The following AKAP10 variants were observed in gnomAD, a reference collection of about 807,000 sequenced individuals.
AKAP10 encodes the protein A-kinase anchor protein 10, mitochondrial.
A neutral mutation model predicts 80.8 loss-of-function variants in AKAP10; 24 were observed. The observed-to-expected ratio is 0.30, with a 90% confidence interval of 0.22 to 0.42. The LOEUF (loss-of-function observed/expected upper bound fraction) is 0.42, where lower values mean the gene tolerates loss of function less well. Among genes scored for constraint, AKAP10 ranks in the 10% least tolerant of loss-of-function variants. The pLI is 1.00. For synonymous variants in AKAP10, 291 were observed against 277.7 expected (o/e 1.05, Z -0.48); for missense variants, 661 against 794.9 (o/e 0.83, Z 2.03).
chr17:19,914,834 A>G (rs1597489036), intron 12 of AKAP10, among the ~76,000 whole-genome samples: 1 of 152,234 alleles, frequency 6.6e-6, no homozygotes, highest in Non-Finnish European at 1.5e-5. Context: ...AGAGGCACTC[A>G]AAGTGAAGAA....
In AKAP10 at chr17:19,962,754, T is replaced by C. The variant is rs1195468719; in HGVS notation, c.319+86A>G. On this transcript the variant is annotated intron_variant, in intron 3 of 14. Transcript: ENST00000225737. ...TTTTTTCCAAAGCACTTTCCAATTA[T>C]ATAGTTCTGTATCCTATGACAGAAG... The C allele has an allele frequency of 5.1e-6, 7 of 1,373,390 alleles. 1 individual carries two copies. Among genetic ancestry groups the C allele is most frequent in the Non-Finnish European group, 7.0e-6 (7 of 1,006,662 alleles). 85.1% of individuals were successfully genotyped at this position (1,373,390 alleles called of 1,614,324 possible).
At chr17:19,973,399 G>C (rs2043524347) in intron 1 of AKAP10, among the ~76,000 whole-genome samples, 1 of 152,202 alleles carries the variant, frequency 6.6e-6, no homozygotes, top group Non-Finnish European at 1.5e-5. Context: ...AAATATTTAT[G>C]ATTTGGCCCT....
intron 5 of AKAP10, among the ~76,000 whole-genome samples, chr17:19,946,075 ACT>A (rs1411990687): frequency 2.1e-5 from 3 of 140,342 alleles, no homozygotes; most frequent in Admixed American, 7.3e-5. Flanking sequence ...TGTCCTTACT[ACT>A]CTGAGATACT....
chr17:19,950,226 A>AAAAT (rs1176658582), intron 4 of AKAP10, among the ~76,000 whole-genome samples: 9 of 152,202 alleles, frequency 5.9e-5, no homozygotes. Flanking sequence ...ATCACTCAAA[A>AAAAT]AAATAAATAA....
intron 3 of AKAP10, among the ~76,000 whole-genome samples, chr17:19,960,251 G>A (rs2052276266): frequency 1.3e-5 from 2 of 152,016 alleles, no homozygotes; most frequent in African/African-American, 4.8e-5. Context: ...TTAGTTCTTT[G>A]TAATTTTATC....
chr17:19,951,605 C>A lies in AKAP10; in HGVS notation c.878-4100G>T, dbSNP rs175921. Among the ~76,000 whole-genome samples the A allele has an allele frequency of 7.3e-5, 11 of 150,164 alleles. No homozygotes were observed. The East Asian group carries it at 1.6e-3, about 21-fold the overall frequency. On this transcript the variant is annotated intron_variant, in intron 4 of 14. Transcript: ENST00000225737. ...AATCTATAACCTTACCCCCAACCCC[C>A]TGCTCTCTGAAACATGTGCTATTAC...
At chr17:19,932,913 T>G (rs2042952249) in intron 9 of AKAP10, among the ~76,000 whole-genome samples, 1 of 152,196 alleles carries the variant, frequency 6.6e-6, no homozygotes, top group African/African-American at 2.4e-5. Flanking sequence ...TATTTCTAAT[T>G]CTACGAAGGA....
rs1458262868 is a variant in AKAP10 at position 19,946,258 on chromosome 17, T to TA, written c.976+1148dup. Among the ~76,000 whole-genome samples the TA allele has an allele frequency of 2.2e-3, 54 of 24,682 alleles. 4 individuals are homozygous for TA. The highest frequency in any genetic ancestry group is 8.5e-3 in the African/African-American group (51 of 5,982). 16.2% of individuals were successfully genotyped at this position (24,682 alleles called of 152,430 possible). A position where few individuals can be genotyped will look rare whatever the true frequency, so the allele number is the denominator to read the frequency against. ...TATATTATATATATATATATATATA[T>TA]ATATATATATATATATATTTTTTTT... is the stretch of plus-strand genomic sequence containing the variant. On this transcript the variant is annotated intron_variant, in intron 5 of 14. Transcript: ENST00000225737.
intron 1 of AKAP10, among the ~76,000 whole-genome samples, chr17:19,971,187 T>A (rs1240937608): frequency 6.6e-6 from 1 of 152,022 alleles, no homozygotes; most frequent in Non-Finnish European, 1.5e-5. Context: ...GTATTTTTTT[T>A]AATGGCATTA....
In AKAP10 at chr17:19,931,842, T is replaced by C; in HGVS notation, c.1604A>G (p.Glu535Gly). The C allele has an allele frequency of 1.9e-6, 3 of 1,614,040 alleles. No individual in the cohort carries two copies. Among genetic ancestry groups the C allele is most frequent in the South Asian group, 1.1e-5 (1 of 91,078 alleles). ...TAPGSVGPPDESHPGSSDSSA... is the reference protein window; with the variant it reads ...TAPGSVGPPDGSHPGSSDSSA... Reference sequence around the variant, plus strand: ...GCTGTCAGAACTCCCTGGGTGAGACTCATCAGGAGGGCCAACAGAGCCAGG... The same window carrying C: ...GCTGTCAGAACTCCCTGGGTGAGACCCATCAGGAGGGCCAACAGAGCCAGG... Residue 535 changes from glutamate to glycine, a missense_variant, in exon 10 of 15, where the codon GAG (glutamate) becomes GGG (glycine). Transcript: ENST00000225737.
chr17:19,966,058 G>A (rs1168721193), intron 2 of AKAP10, among the ~76,000 whole-genome samples: 1 of 152,000 alleles, frequency 6.6e-6, no homozygotes, highest in Non-Finnish European at 1.5e-5. Context: ...CTAACCTTTG[G>A]TTTAAAACTC....
chr17:19,932,831 T>C (rs1046215688), intron 9 of AKAP10, among the ~76,000 whole-genome samples: 1 of 152,146 alleles, frequency 6.6e-6, no homozygotes, highest in Non-Finnish European at 1.5e-5. Context: ...AATGCCTAAT[T>C]GTACATAGAT....
chr17:19,961,011 C>T lies in AKAP10; in HGVS notation c.319+1829G>A, dbSNP rs147241075. 2.7e-3 allele frequency among the ~76,000 whole-genome samples: 400 copies of T among 149,272 alleles called. 1 individual carries two copies. The highest frequency in any genetic ancestry group is 9.4e-3 in the African/African-American group (378 of 40,364). On this transcript the variant is annotated intron_variant, in intron 3 of 14. Transcript: ENST00000225737. Reference sequence around the variant, plus strand: ...CACTGCACTCCAGCCTGTGAGACTCCGTCTACAAATAAATAAACAAACAAA... The same window carrying T: ...CACTGCACTCCAGCCTGTGAGACTCTGTCTACAAATAAATAAACAAACAAA...
At chr17:19,965,652 T>C (rs972413695) in intron 2 of AKAP10, among the ~76,000 whole-genome samples, 8 of 152,210 alleles carry the variant, frequency 5.3e-5, no homozygotes, top group Non-Finnish European at 1.0e-4. Context: ...TCTTCAACTT[T>C]TATACAAGGT....
chr17:19,938,215 C>A (rs2043013323), intron 8 of AKAP10, among the ~76,000 whole-genome samples: 2 of 148,040 alleles, frequency 1.4e-5, no homozygotes, highest in East Asian at 4.1e-4. Context: ...GTGTGAGCCA[C>A]CGGTACCCAG....
intron 10 of AKAP10, among the ~76,000 whole-genome samples, chr17:19,928,048 T>C (rs1383617182): frequency 1.3e-5 from 2 of 151,178 alleles, no homozygotes; most frequent in Non-Finnish European, 2.9e-5. Flanking sequence ...GGTGAAACCC[T>C]GTCACTAGTA....
At position 19,963,591 on chromosome 17, in the gene AKAP10, G is replaced by GA. The variant is rs140515637; in HGVS notation, c.137-570dup. On this transcript the variant is annotated intron_variant, in intron 2 of 14. Coordinates refer to ENST00000225737, the MANE Select transcript of AKAP10 (RefSeq NM_007202.4). Reference sequence around the variant, plus strand: ...GCAGAATAAATGCTTGGGGTGGGGGGAACCTAGAAAAATATTCCTCAGGCC... The same window carrying GA: ...GCAGAATAAATGCTTGGGGTGGGGGGAAACCTAGAAAAATATTCCTCAGGCC... Among the ~76,000 whole-genome samples, 806 of 152,020 alleles carry GA rather than the reference G, an allele frequency of 5.3e-3. 16 individuals carry two copies. In the East Asian group the frequency reaches 0.074, roughly 14 times the overall value.
Position 19,940,871 on chromosome 17 carries a change from G to C in AKAP10, c.1185+16C>G. 1 of 1,585,238 alleles carries C rather than the reference G, an allele frequency of 6.3e-7. No individual in the cohort carries two copies. The highest frequency in any genetic ancestry group is 1.4e-5 in the African/African-American group (1 of 73,594). On this transcript the variant is annotated intron_variant, in intron 7 of 14. Coordinates refer to ENST00000225737, the MANE Select transcript of AKAP10 (RefSeq NM_007202.4). ...GGAATGCTCGAATAGAGTGTGAAAA[G>C]AAATGCAGACTTTACCTCAGAGAAA... is the stretch of plus-strand genomic sequence containing the variant.
intron 14 of AKAP10, among the ~76,000 whole-genome samples, chr17:19,906,603 A>G (rs909192286): frequency 4.6e-5 from 7 of 152,230 alleles, no homozygotes; most frequent in African/African-American, 1.4e-4. Flanking sequence ...ACACACATGC[A>G]GACATTCACT....
Sources: gnomAD v4.1 joint callset for allele counts (sites outside exome capture counted in the v4.1 genomes callset) on GRCh38, gnomAD v4.1.1 for gene constraint, MANE v1.5 for transcripts, NCBI Gene and HGNC (gene_info 2026-07-23, HGNC 2026-07-21) for gene names.